EFTUD2: variants seen among roughly 807,000 people sequenced by gnomAD.
EFTUD2 encodes 116 kDa U5 small nuclear ribonucleoprotein component.
A neutral mutation model predicts 114.3 loss-of-function variants in EFTUD2; 9 were observed. The ratio of observed to expected loss-of-function variants is 0.08; its 90% CI spans 0.05 to 0.14. The LOEUF (loss-of-function observed/expected upper bound fraction) is 0.14. Among genes scored for constraint, EFTUD2 ranks in the 10% least tolerant of loss-of-function variants. The pLI is 1.00. For synonymous variants in EFTUD2, 449 were observed against 462.3 expected (o/e 0.97, Z 0.37); for missense variants, 765 against 1,241.2 (o/e 0.62, Z 5.76).
chr17:44,891,728 T>C (rs937530639), intron 2 of EFTUD2: 1 of 152,190 alleles, frequency 6.6e-6, no homozygotes, highest in African/African-American at 2.4e-5. Context: ...AATCTATCCA[T>C]TTTAAGTGCA....
intron 2 of EFTUD2, among the ~76,000 whole-genome samples, chr17:44,892,631 CTTTTTTTT>C (rs967860195): frequency 4.9e-5 from 5 of 101,378 alleles, no homozygotes; most frequent in Admixed American, 1.3e-4. Context: ...ACTGTAAAAC[CTTTTTTTT>C]TTTTTTTTTT....
chr17:44,854,929 A>T lies in EFTUD2; in HGVS notation c.2121T>A (p.Ile707=). 6.2e-7 allele frequency: 1 copy of T among 1,614,112 alleles called. No homozygotes were observed. Among genetic ancestry groups the T allele is most frequent in the Non-Finnish European group, 8.5e-7 (1 of 1,179,978 alleles). Residue 707 remains isoleucine, a synonymous_variant, in exon 21 of 28, where the codon ATT becomes ATA. Coordinates refer to ENST00000426333, the MANE Select transcript of EFTUD2 (RefSeq NM_004247.4). The surrounding 1 kb of genome is among the most constrained non-coding windows in gnomAD (Gnocchi z 4.3). The part of the protein sequence containing the change: ...AEDIENEVVQ[I]TWNRKKLGEF... ...AGCCCTGTTCTCACCTGTTCCACGTAATCTGGACCACCTCATTCTCTATGT... is the reference window on the plus strand; with the variant it reads ...AGCCCTGTTCTCACCTGTTCCACGTTATCTGGACCACCTCATTCTCTATGT...
intron 20 of EFTUD2, 151 bp from the exon 21 acceptor site, chr17:44,855,155 C>T (rs1176043181): frequency 5.6e-6 from 4 of 708,472 alleles, no homozygotes; most frequent in African/African-American, 1.7e-5. Context: ...GTAATCCCAG[C>T]ACTTTGAGAG....
At chr17:44,892,073 T>C (rs1040635988) in intron 2 of EFTUD2, 5 of 152,232 alleles carry the variant, frequency 3.3e-5, no homozygotes, top group African/African-American at 1.2e-4. Context: ...TACTGGGTTT[T>C]TAGTCCCAAA....
rs528299306 is a variant in EFTUD2, at chr17:44,857,920, C to CTTTTTTTTTT, written c.1963-773_1963-764dup. Among the ~76,000 whole-genome samples, 172 of 127,492 alleles carry CTTTTTTTTTT rather than the reference C, an allele frequency of 1.3e-3. 4 individuals are homozygous for CTTTTTTTTTT. Among genetic ancestry groups the CTTTTTTTTTT allele is most frequent in the African/African-American group, 4.7e-3 (155 of 32,666 alleles). The allele number at this position is 127,492 out of a possible 152,430, so 83.6% of individuals were successfully genotyped here. A position where few individuals can be genotyped will look rare whatever the true frequency, so the allele number is the denominator to read the frequency against. On this transcript the variant is annotated intron_variant, in intron 19 of 27. Transcript: ENST00000426333. Reference sequence around the variant, plus strand: ...CTTGGGAGCCTTTATTTTCTTTTTCCTTTTTTTTTTTTTTTTTTTGAGACA... The same window carrying CTTTTTTTTTT: ...CTTGGGAGCCTTTATTTTCTTTTTCCTTTTTTTTTTTTTTTTTTTTTTTTTTTTTGAGACA...
intron 8 of EFTUD2, 50 bp downstream of exon 8, chr17:44,880,504 C>G (rs771534835): frequency 1.3e-6 from 2 of 1,484,204 alleles, no homozygotes; most frequent in Non-Finnish European, 1.9e-6. Context: ...AGAGGACACA[C>G]GCAAAACCAA....
At chr17:44,865,429 T>C (rs992026777) in intron 13 of EFTUD2, among the ~76,000 whole-genome samples, 7 of 152,168 alleles carry the variant, frequency 4.6e-5, no homozygotes, top group Non-Finnish European at 7.3e-5. Flanking sequence ...AGGATCATTG[T>C]GCACTGGAAG....
At chr17:44,888,061 CTACAGG>C (rs67145305) in intron 2 of EFTUD2, among the ~76,000 whole-genome samples, 18,634 of 152,096 alleles carry the variant, frequency 0.12, 1,182 homozygotes, top group East Asian at 0.24. Flanking sequence ...AGAATAAGCT[CTACAGG>C]TACCTGGGGA....
At chr17:44,893,312 G>A (rs1489165549) in intron 2 of EFTUD2, among the ~76,000 whole-genome samples, 1 of 152,088 alleles carries the variant, frequency 6.6e-6, no homozygotes, top group African/African-American at 2.4e-5. Context: ...TAGTAGAGAC[G>A]GGGTTTCACC....
At chr17:44,896,307 C>T (rs2051383806) in intron 1 of EFTUD2, among the ~76,000 whole-genome samples, 1 of 152,228 alleles carries the variant, frequency 6.6e-6, no homozygotes, top group African/African-American at 2.4e-5. Context: ...TTCCTCTATC[C>T]TACTAGAGCT....
chr17:44,868,588 C>A, intron 11 of EFTUD2: 1 of 496,960 alleles, frequency 2.0e-6, no homozygotes. Flanking sequence ...CTCTCCATCT[C>A]CACCAAGCAC....
intron 10 of EFTUD2, 46 bp from the exon 11 acceptor site, chr17:44,872,616 C>A: frequency 6.5e-7 from 1 of 1,541,394 alleles, no homozygotes; most frequent in South Asian, 1.2e-5. Flanking sequence ...TGCAGCAGCC[C>A]GGACGCACTG....
chr17:44,853,200 T>G (rs1597788062), intron 25 of EFTUD2, 96 bp downstream of exon 25: 1 of 1,283,236 alleles, frequency 7.8e-7, no homozygotes. Flanking sequence ...GAGAGGAGGG[T>G]AGAGAAGGCC....
chr17:44,857,939 T>TTTTTTTTTG (rs2050586934), intron 19 of EFTUD2, among the ~76,000 whole-genome samples: 1 of 149,706 alleles, frequency 6.7e-6, no homozygotes, highest in South Asian at 2.1e-4. Context: ...TTTTTTTTTT[T>TTTTTTTTTG]GAGACAGAGT....
At chr17:44,858,117 T>C (rs976291292) in intron 19 of EFTUD2, among the ~76,000 whole-genome samples, 1 of 152,130 alleles carries the variant, frequency 6.6e-6, no homozygotes, top group Admixed American at 6.6e-5. Flanking sequence ...AGACAGAGTT[T>C]CACCATGTTG....
intron 10 of EFTUD2, among the ~76,000 whole-genome samples, chr17:44,873,498 G>C (rs1476951564): frequency 6.6e-6 from 1 of 151,986 alleles, no homozygotes; most frequent in Non-Finnish European, 1.5e-5. Context: ...TGGGACTGCA[G>C]GCATGAACCA....
intron 19 of EFTUD2, chr17:44,857,377 T>C (rs998920433): frequency 8.7e-6 from 4 of 458,576 alleles, no homozygotes; most frequent in Non-Finnish European, 1.6e-5. Flanking sequence ...ATTAGATTCC[T>C]GAGCCAAGAG....
At chr17:44,885,151 C>T (rs1374878476) in intron 4 of EFTUD2, 105 bp downstream of exon 4, 25 of 838,992 alleles carry the variant, frequency 3.0e-5, no homozygotes, top group East Asian at 1.2e-4. Context: ...GAGCTATGTA[C>T]GGCCACAATT....
rs1295811971 is a variant in EFTUD2, at chr17:44,873,376, G to A, written c.870-806C>T. ...TGCTTAGAGGTTCTTTTGCTTTTGA[G>A]ACAGGGTCTTGCCTTGTTGCCCAGG... On this transcript the variant is annotated intron_variant, in intron 10 of 27. Coordinates refer to ENST00000426333, the MANE Select transcript of EFTUD2 (RefSeq NM_004247.4). Among the ~76,000 whole-genome samples, 5 of 152,250 alleles carry A rather than the reference G, an allele frequency of 3.3e-5. No individual in the cohort carries two copies. In the East Asian group the frequency reaches 9.6e-4, roughly 29 times the overall value.
Sources: allele counts gnomAD v4.1 joint callset (sites outside exome capture counted in the v4.1 genomes callset), GRCh38; gene constraint gnomAD v4.1.1; non-coding constraint Gnocchi (gnomAD v3.1); transcripts MANE v1.5; gene names NCBI Gene and HGNC (gene_info 2026-07-23, HGNC 2026-07-21).